The following CHN2 variants were observed in gnomAD, a reference collection of about 807,000 sequenced individuals.
CHN2 encodes the protein beta-chimaerin.
In CHN2, 35 loss-of-function variants were observed where a neutral mutation model predicts 56.3. The observed-to-expected ratio is 0.62, with a 90% CI of 0.47 to 0.82. The LOEUF (loss-of-function observed/expected upper bound fraction) is 0.82. CHN2 is among the 40% of genes least tolerant of loss of function. The pLI is 0.00. For missense variants in CHN2, 491 were observed against 580.5 expected, an observed-to-expected ratio of 0.85 and a Z score of 1.58; for synonymous variants, 210 against 212.8, an observed-to-expected ratio of 0.99 and a Z score of 0.12.
At chr7:29,319,163 TG>T (rs1259830118) in intron 1 of CHN2, among the ~76,000 whole-genome samples, 10 of 152,232 alleles carry the variant, frequency 6.6e-5, no homozygotes, top group Admixed American at 6.5e-4. Context: ...TAAAAGCCAT[TG>T]TCTACCATAA....
At chr7:29,411,724 C>T (rs1157531346) in intron 6 of CHN2, among the ~76,000 whole-genome samples, 3 of 152,040 alleles carry the variant, frequency 2.0e-5, no homozygotes, top group East Asian at 1.9e-4. Context: ...GAAGGCTTCC[C>T]GCCACCCGAT....
At chr7:29,433,253 A>T (rs1782978091) in intron 6 of CHN2, among the ~76,000 whole-genome samples, 1 of 152,220 alleles carries the variant, frequency 6.6e-6, no homozygotes, top group African/African-American at 2.4e-5. Flanking sequence ...TTCTATTGTG[A>T]TAAGGTCCGG....
chr7:29,207,146 A>G (rs1486085691), intron 1 of CHN2, among the ~76,000 whole-genome samples: 2 of 152,254 alleles, frequency 1.3e-5, no homozygotes, highest in Admixed American at 6.5e-5. Flanking sequence ...TTAAGAAAGC[A>G]TAGAAATTGA....
intron 2 of CHN2, among the ~76,000 whole-genome samples, chr7:29,162,728 G>A (rs561845610): frequency 8.6e-5 from 13 of 150,742 alleles, no homozygotes; most frequent in African/African-American, 3.2e-4. Context: ...ATTACACATT[G>A]TATGATCTCA....
intron 7 of CHN2, among the ~76,000 whole-genome samples, chr7:29,495,412 A>G (rs1033319224): frequency 6.6e-6 from 1 of 152,236 alleles, no homozygotes; most frequent in Non-Finnish European, 1.5e-5. Flanking sequence ...AAGCAATTCC[A>G]CAGGCCTTAT....
rs374454833 is a variant in CHN2 at position 29,174,642 on chromosome 7, C to A, written c.274+27682C>A. 7.9e-5 allele frequency among the ~76,000 whole-genome samples: 12 copies of A among 152,206 alleles called. No homozygotes were observed. In the East Asian group the frequency reaches 1.4e-3, roughly 17 times the overall value. On this transcript the variant is annotated intron_variant, in intron 2 of 6. Transcript: ENST00000439384. ...TTGGGAGGCCGACTTGGGCGGATCA[C>A]CTGAGGTCAGGAGTTCGAGATCAGC...
At chr7:29,262,160 T>G (rs1234028740) in intron 1 of CHN2, among the ~76,000 whole-genome samples, 1 of 152,126 alleles carries the variant, frequency 6.6e-6, no homozygotes, top group Non-Finnish European at 1.5e-5. Context: ...AGAGCCAGAC[T>G]CAGCCTCAAA....
rs1235107193 is a variant in CHN2, at chr7:29,209,721, T to G, written c.49+14731T>G. Among the ~76,000 whole-genome samples, 6 of 152,304 alleles carry G rather than the reference T, an allele frequency of 3.9e-5. No individual in the cohort carries two copies. The East Asian group carries it at 1.2e-3, about 29-fold the overall frequency. ...CTGCCGCTTGCTATGGGAGGGAATTTTTAAGGCTTTCATTTATGAGAAATA... is the reference window on the plus strand; with the variant it reads ...CTGCCGCTTGCTATGGGAGGGAATTGTTAAGGCTTTCATTTATGAGAAATA... On this transcript the variant is annotated intron_variant, in intron 1 of 12. Transcript: ENST00000222792.
Position 29,264,413 on chromosome 7 carries a change from T to C in CHN2, c.49+69423T>C, listed in dbSNP as rs537905258. ...AAAAGAAAGAGAGATCAGATTGTTA[T>C]TGTGTCTGTGTAGAAAGAAGTAGAC... On this transcript the variant is annotated intron_variant, in intron 1 of 12. Coordinates refer to ENST00000222792, the MANE Select transcript of CHN2 (RefSeq NM_004067.4). Among the ~76,000 whole-genome samples the C allele has an allele frequency of 1.2e-4, 19 of 152,334 alleles. No homozygotes were observed. In the South Asian group the frequency reaches 2.9e-3, roughly 23 times the overall value.
chr7:29,312,546 G>A (rs540608308), intron 1 of CHN2, among the ~76,000 whole-genome samples: 6 of 152,268 alleles, frequency 3.9e-5, no homozygotes, highest in Non-Finnish European at 8.8e-5. Context: ...TCACAATGTC[G>A]ATGTGGTTTC....
intron 1 of CHN2, among the ~76,000 whole-genome samples, chr7:29,325,913 C>G (rs1456171282): frequency 6.6e-6 from 1 of 152,196 alleles, no homozygotes; most frequent in African/African-American, 2.4e-5. Context: ...ACCATATTTT[C>G]ATGATCTGCT....
intron 6 of CHN2, among the ~76,000 whole-genome samples, chr7:29,446,328 C>CT (rs565807169): frequency 9.3e-4 from 142 of 152,296 alleles, no homozygotes; most frequent in African/African-American, 3.3e-3. Flanking sequence ...CCTTTTTAGA[C>CT]TAACTCCTGC....
chr7:29,302,902 C>T (rs1448415107), intron 1 of CHN2, among the ~76,000 whole-genome samples: 1 of 152,178 alleles, frequency 6.6e-6, no homozygotes, highest in East Asian at 1.9e-4. Context: ...CAGAGTTTAG[C>T]ATGTTGTAGC....
chr7:29,393,287 T>C (rs897694057), intron 3 of CHN2, among the ~76,000 whole-genome samples: 1 of 152,238 alleles, frequency 6.6e-6, no homozygotes, highest in Non-Finnish European at 1.5e-5. Flanking sequence ...TAATTATAAA[T>C]ACATAATAAA....
intron 6 of CHN2, among the ~76,000 whole-genome samples, chr7:29,452,078 C>T (rs1316816498): frequency 1.3e-5 from 2 of 152,244 alleles, no homozygotes; most frequent in African/African-American, 4.8e-5. Flanking sequence ...TAATGCCCTG[C>T]TGTTGCCTTC....
At chr7:29,465,191 T>G (rs1785462895) in intron 6 of CHN2, among the ~76,000 whole-genome samples, 1 of 152,228 alleles carries the variant, frequency 6.6e-6, no homozygotes, top group Non-Finnish European at 1.5e-5. Flanking sequence ...TCCTTCCAGC[T>G]TCATCTTAGC....
intron 1 of CHN2, among the ~76,000 whole-genome samples, chr7:29,270,603 G>T (rs544031183): frequency 2.6e-4 from 39 of 152,114 alleles, no homozygotes; most frequent in African/African-American, 8.7e-4. Flanking sequence ...GGTGGTGGTT[G>T]TATTGAGTCA....
At chr7:29,223,425 A>G (rs1785950479) in intron 1 of CHN2, among the ~76,000 whole-genome samples, 1 of 152,016 alleles carries the variant, frequency 6.6e-6, no homozygotes, top group Admixed American at 6.6e-5. Context: ...ACTAATTATC[A>G]CCACTCCCCA....
intron 1 of CHN2, among the ~76,000 whole-genome samples, chr7:29,284,961 G>A (rs1329396607): frequency 1.3e-5 from 2 of 152,214 alleles, no homozygotes; most frequent in African/African-American, 2.4e-5. Context: ...AGGGTTGAAT[G>A]GGGAACTTTG....
Sources: gnomAD v4.1 joint callset for allele counts (sites outside exome capture counted in the v4.1 genomes callset) on GRCh38, gnomAD v4.1.1 for gene constraint, MANE v1.5 for transcripts, NCBI Gene and HGNC (gene_info 2026-07-23, HGNC 2026-07-21) for gene names.